TBC1D32: variants seen among roughly 807,000 people sequenced by gnomAD.
The protein encoded by TBC1D32 is TBC1 domain family member 32.
In TBC1D32, 151 loss-of-function variants were observed where a neutral mutation model predicts 170.3. That is an observed-to-expected ratio of 0.89 (90% CI 0.78 to 1.01). The LOEUF is 1.01. Ranked by LOEUF, TBC1D32 falls within the 50% of genes least tolerant of loss-of-function variation. The pLI is 0.00. For missense variants in TBC1D32, 1,464 were observed against 1,457.1 expected (o/e 1.00, Z -0.08); for synonymous variants, 498 against 488.0 (o/e 1.02, Z -0.27).
chr6:121,103,501 G>A (rs888484778), intron 30 of TBC1D32, among the ~76,000 whole-genome samples: 10 of 147,510 alleles, frequency 6.8e-5, no homozygotes, highest in African/African-American at 2.5e-4. Flanking sequence ...ACCAAACACT[G>A]CATGTTCTCA....
chr6:121,301,387 G>C (rs1158196210), intron 9 of TBC1D32, among the ~76,000 whole-genome samples: 1 of 152,114 alleles, frequency 6.6e-6, no homozygotes, highest in South Asian at 2.1e-4. Flanking sequence ...GTCCTTTGCA[G>C]GGACACGGAT....
chr6:121,086,304 G>T (rs1179521781), intron 31 of TBC1D32, among the ~76,000 whole-genome samples: 1 of 152,118 alleles, frequency 6.6e-6, no homozygotes, highest in Admixed American at 6.6e-5. Flanking sequence ...GTTAGAATTT[G>T]AAACCAGATA....
chr6:121,108,305 A>G (rs1014736949), intron 29 of TBC1D32, among the ~76,000 whole-genome samples: 1 of 152,030 alleles, frequency 6.6e-6, no homozygotes, highest in Non-Finnish European at 1.5e-5. Context: ...TAAATTGTTT[A>G]TTATACTTAT....
At chr6:121,103,278 T>C (rs190652729) in intron 30 of TBC1D32, among the ~76,000 whole-genome samples, 394 of 152,176 alleles carry the variant, frequency 2.6e-3, no homozygotes, top group Admixed American at 4.5e-3. Flanking sequence ...TAAGGACACA[T>C]GCACACGTAT....
chr6:121,323,876 G>T (rs1292007120), intron 1 of TBC1D32, among the ~76,000 whole-genome samples: 2 of 152,144 alleles, frequency 1.3e-5, no homozygotes, highest in African/African-American at 4.8e-5. Flanking sequence ...GGAGGCGGAG[G>T]TTGCAGTGAG....
At chr6:121,137,934 A>G (rs1782319998) in intron 24 of TBC1D32, among the ~76,000 whole-genome samples, 2 of 152,074 alleles carry the variant, frequency 1.3e-5, no homozygotes, top group South Asian at 4.1e-4. Flanking sequence ...GAAAAAGTAA[A>G]ATAAAGACTT....
intron 25 of TBC1D32, chr6:121,129,787 G>GA: frequency 2.8e-6 from 1 of 355,460 alleles, no homozygotes; most frequent in East Asian, 7.6e-5. Context: ...AGAAGTCAAG[G>GA]AAAATTAAGT....
intron 17 of TBC1D32, among the ~76,000 whole-genome samples, chr6:121,244,677 T>C (rs1797390656): frequency 6.6e-6 from 1 of 152,216 alleles, no homozygotes; most frequent in Non-Finnish European, 1.5e-5. Context: ...GTTCTGAAGA[T>C]ACACATGAGC....
intron 26 of TBC1D32, among the ~76,000 whole-genome samples, chr6:121,119,354 T>C (rs1482759482): frequency 1.3e-5 from 2 of 152,170 alleles, no homozygotes; most frequent in Non-Finnish European, 2.9e-5. Flanking sequence ...CACACTGTGC[T>C]TTACTCACAA....
intron 13 of TBC1D32, among the ~76,000 whole-genome samples, chr6:121,283,466 G>A (rs908706884): frequency 1.3e-5 from 2 of 151,572 alleles, no homozygotes; most frequent in Non-Finnish European, 3.0e-5. Flanking sequence ...ATTTTAGAAA[G>A]TATAAAGAAT....
chr6:121,146,610 A>C (rs926836993), intron 24 of TBC1D32, among the ~76,000 whole-genome samples: 3 of 152,190 alleles, frequency 2.0e-5, no homozygotes, highest in African/African-American at 7.2e-5. Context: ...GACACACCAT[A>C]CTGGGTATAC....
At chr6:121,162,208 T>C (rs1393953878) in intron 22 of TBC1D32, among the ~76,000 whole-genome samples, 1 of 152,186 alleles carries the variant, frequency 6.6e-6, no homozygotes, top group Non-Finnish European at 1.5e-5. Context: ...TTAGATCCCA[T>C]TTGTCAGTTT....
intron 1 of TBC1D32, among the ~76,000 whole-genome samples, chr6:121,332,876 T>C (rs1811387646): frequency 6.6e-6 from 1 of 151,758 alleles, no homozygotes; most frequent in Non-Finnish European, 1.5e-5. Context: ...AACAAGAAAA[T>C]CATGGAAATA....
chr6:121,171,984 T>C (rs1292813588), intron 22 of TBC1D32, among the ~76,000 whole-genome samples: 1 of 151,958 alleles, frequency 6.6e-6, no homozygotes, highest in Non-Finnish European at 1.5e-5. Flanking sequence ...AAAAACAGCA[T>C]ATCACAGAAA....
intron 1 of TBC1D32, among the ~76,000 whole-genome samples, chr6:121,325,853 G>T (rs529396297): frequency 6.6e-6 from 1 of 151,052 alleles, no homozygotes; most frequent in African/African-American, 2.4e-5. Flanking sequence ...CAGAATGGGA[G>T]AAAATTTTTG....
chr6:121,180,668 C>T (rs1788385932), intron 22 of TBC1D32, among the ~76,000 whole-genome samples: 1 of 152,022 alleles, frequency 6.6e-6, no homozygotes, highest in Admixed American at 6.6e-5. Flanking sequence ...GGACACTGAT[C>T]CAGGGAAAGA....
At chr6:121,204,595 C>T (rs1344732236) in intron 22 of TBC1D32, among the ~76,000 whole-genome samples, 1 of 151,206 alleles carries the variant, frequency 6.6e-6, no homozygotes, top group African/African-American at 2.5e-5. Context: ...CCCATTTGAA[C>T]ATGGAAAATA....
chr6:121,233,724 C>T (rs965733809), intron 20 of TBC1D32, among the ~76,000 whole-genome samples: 7 of 152,052 alleles, frequency 4.6e-5, no homozygotes, highest in African/African-American at 7.2e-5. Context: ...AGTATTGAGA[C>T]GTGAGGTACT....
intron 12 of TBC1D32, among the ~76,000 whole-genome samples, chr6:121,288,867 G>A (rs1174019876): frequency 1.3e-5 from 2 of 151,986 alleles, no homozygotes; most frequent in Admixed American, 6.6e-5. Flanking sequence ...ATCAATAAAC[G>A]TAATCCAGCA....
Sources: allele counts gnomAD v4.1 joint callset (sites outside exome capture counted in the v4.1 genomes callset), GRCh38; gene constraint gnomAD v4.1.1; transcripts MANE v1.5; gene names NCBI Gene and HGNC (gene_info 2026-07-23, HGNC 2026-07-21).